The following COG5 variants were observed in gnomAD, a reference collection of about 807,000 sequenced individuals.
COG5 encodes conserved oligomeric Golgi complex subunit 5.
In COG5, 86 loss-of-function variants were observed where a neutral mutation model predicts 110.4. The ratio of observed to expected loss-of-function variants is 0.78; its 90% CI spans 0.65 to 0.93. COG5 has a LOEUF of 0.93. COG5 is among the 40% of genes least tolerant of loss of function. The probability of loss-of-function intolerance (pLI) is 0.00; values close to 1 mark genes in which losing one functional copy is unlikely to be tolerated. For missense variants in COG5, 1,077 were observed against 987.0 expected, an observed-to-expected ratio of 1.09 and a Z score of -1.22; for synonymous variants, 360 against 334.6, an observed-to-expected ratio of 1.08 and a Z score of -0.83.
At position 107,388,603 on chromosome 7, in the gene COG5, A is replaced by G. The variant is rs367724002; in HGVS notation, c.670-15843T>C. 5.3e-5 allele frequency among the ~76,000 whole-genome samples: 8 copies of G among 152,336 alleles called. No individual in the cohort carries two copies. The East Asian group carries it at 9.6e-4, about 18-fold the overall frequency. On this transcript the variant is annotated intron_variant, in intron 7 of 21. Coordinates refer to ENST00000297135, the MANE Select transcript of COG5 (RefSeq NM_006348.5). The stretch of plus-strand genomic sequence containing the variant: ...TTGGCACAAGCCTTATTTACCCTTA[A>G]GTTTTTAAATTTAGATGACAAATTT...
rs1002169972 is a variant in COG5, at chr7:107,527,045, A to G, written c.538+192T>C. On this transcript the variant is annotated intron_variant, in intron 6 of 21. Transcript: ENST00000297135. ...CAATTTTACTATATAATTAAAATAA[A>G]TAGCATTTCAGTGAAATCAACTACT... 3.9e-5 allele frequency among the ~76,000 whole-genome samples: 6 copies of G among 152,230 alleles called. No homozygotes were observed. The South Asian group carries it at 8.3e-4, about 21-fold the overall frequency.
intron 2 of COG5, among the ~76,000 whole-genome samples, chr7:107,557,233 A>C (rs1310255736): frequency 6.6e-6 from 1 of 152,324 alleles, no homozygotes; most frequent in African/African-American, 2.4e-5. Context: ...GGTTATACCA[A>C]ATCTATGTTT....
rs1440996226 is a variant in COG5 at position 107,388,098 on chromosome 7, T to C, written c.670-15338A>G. On this transcript the variant is annotated intron_variant, in intron 7 of 21. Transcript: ENST00000297135. ...TCCACCAAAATTGGAGAAACTTATCTAAACAATTTCAACTTACCCAGAAAC... is the reference window on the plus strand; with the variant it reads ...TCCACCAAAATTGGAGAAACTTATCCAAACAATTTCAACTTACCCAGAAAC... Among the ~76,000 whole-genome samples, 4 of 152,158 alleles carry C rather than the reference T, an allele frequency of 2.6e-5. No individual in the cohort carries two copies. The South Asian group carries it at 8.3e-4, about 32-fold the overall frequency.
At chr7:107,228,029 A>G (rs866957651) in intron 19 of COG5, among the ~76,000 whole-genome samples, 36 of 152,274 alleles carry the variant, frequency 2.4e-4, no homozygotes, top group African/African-American at 8.4e-4. Context: ...GGTGGCTTAC[A>G]CCTGCCATAC....
chr7:107,361,389 C>T (rs978826664), intron 10 of COG5, among the ~76,000 whole-genome samples: 1 of 151,918 alleles, frequency 6.6e-6, no homozygotes, highest in African/African-American at 2.4e-5. Flanking sequence ...ATTTAAATGT[C>T]GTATTTATCA....
At chr7:107,210,757 T>A (rs1799104527) in intron 20 of COG5, 152 bp from the exon 21 acceptor site, 1 of 900,526 alleles carries the variant, frequency 1.1e-6, no homozygotes. Context: ...TAGGCCTTGG[T>A]GCACCTTCCT....
At chr7:107,545,779 C>CAAAAAAAAAA (rs59515448) in intron 5 of COG5, among the ~76,000 whole-genome samples, 115 of 69,748 alleles carry the variant, frequency 1.6e-3, no homozygotes, top group Non-Finnish European at 2.1e-3. Context: ...GACTCCATCT[C>CAAAAAAAAAA]AAAAAAAAAA....
intron 8 of COG5, among the ~76,000 whole-genome samples, chr7:107,364,339 C>A (rs749772620): frequency 2.6e-5 from 4 of 152,096 alleles, no homozygotes; most frequent in Non-Finnish European, 4.4e-5. Context: ...AGACAGCCAA[C>A]AGAAAAGCAT....
At chr7:107,242,665 A>G (rs1459865770) in intron 17 of COG5, among the ~76,000 whole-genome samples, 1 of 152,190 alleles carries the variant, frequency 6.6e-6, no homozygotes, top group East Asian at 1.9e-4. Flanking sequence ...GCTGCAGTCA[A>G]CCCAAGGAGA....
At chr7:107,518,565 G>A (rs920967003) in intron 6 of COG5, among the ~76,000 whole-genome samples, 1 of 151,942 alleles carries the variant, frequency 6.6e-6, no homozygotes, top group Non-Finnish European at 1.5e-5. Flanking sequence ...GACAAAGAAG[G>A]TCATTATATA....
At chr7:107,230,551 C>T in intron 19 of COG5, 64 bp downstream of exon 19, 1 of 1,239,028 alleles carries the variant, frequency 8.1e-7, no homozygotes, top group Non-Finnish European at 1.2e-6. Flanking sequence ...TGAAGTTCAA[C>T]CTGCACAGAA....
At chr7:107,475,124 T>C (rs149165811) in intron 6 of COG5, 2 of 1,611,346 alleles carry the variant, frequency 1.2e-6, no homozygotes, top group Non-Finnish European at 1.7e-6. Context: ...TTTTTAGTCA[T>C]GGCTTATGGA....
rs769032805 is a variant in COG5, at chr7:107,475,331, A to G, written c.538+51906T>C. ...TTTGAAGATAGTGAAATAAGAGAAA[A>G]ATGTTTAGTGCCTCAGGTTGTCACA... On this transcript the variant is annotated intron_variant, in intron 6 of 21. Transcript: ENST00000297135. 26 of 1,559,062 alleles carry G rather than the reference A, an allele frequency of 1.7e-5. No homozygotes were observed. The Admixed American group carries it at 5.1e-4, about 30-fold the overall frequency.
At chr7:107,258,450 TCA>T (rs1554402259) in intron 14 of COG5, 67 bp from the exon 15 acceptor site, 51 of 703,762 alleles carry the variant, frequency 7.2e-5, no homozygotes, top group Non-Finnish European at 9.1e-5. Flanking sequence ...TCTCTCTCTC[TCA>T]CACACACACA....
chr7:107,262,528 C>A (rs1288331354), intron 14 of COG5, among the ~76,000 whole-genome samples: 1 of 152,096 alleles, frequency 6.6e-6, no homozygotes, highest in African/African-American at 2.4e-5. Flanking sequence ...CTGGGTGAAA[C>A]CAAGTCAATG....
intron 10 of COG5, among the ~76,000 whole-genome samples, chr7:107,326,520 G>A (rs756190145): frequency 1.3e-5 from 2 of 151,522 alleles, no homozygotes; most frequent in Non-Finnish European, 2.9e-5. Flanking sequence ...GAAATAGCCA[G>A]AAAAAAATGA....
chr7:107,224,928 G>A (rs1180493543), intron 19 of COG5, among the ~76,000 whole-genome samples: 1 of 152,256 alleles, frequency 6.6e-6, no homozygotes, highest in Non-Finnish European at 1.5e-5. Flanking sequence ...ATATATGCAA[G>A]AAGCTTGCTG....
chr7:107,369,843 G>C (rs1166173588), intron 8 of COG5, among the ~76,000 whole-genome samples: 1 of 152,110 alleles, frequency 6.6e-6, no homozygotes, highest in Non-Finnish European at 1.5e-5. Flanking sequence ...GTTTACAAGA[G>C]TTTCTGCTCT....
intron 17 of COG5, 97 bp from the exon 18 acceptor site, chr7:107,236,784 T>C: frequency 2.4e-6 from 2 of 822,852 alleles, no homozygotes; most frequent in Non-Finnish European, 4.3e-6. Context: ...ATTTCAATCC[T>C]TTGTAATGTT....
Sources: allele counts gnomAD v4.1 joint callset (sites outside exome capture counted in the v4.1 genomes callset), GRCh38; gene constraint gnomAD v4.1.1; transcripts MANE v1.5; gene names NCBI Gene and HGNC (gene_info 2026-07-23, HGNC 2026-07-21).